Variants in NUFIP2 observed in about 807,000 individuals in gnomAD.
The protein encoded by NUFIP2 is nuclear FMR1 interacting protein 2, also known as FMR1-interacting protein NUFIP2.
In NUFIP2, 6 loss-of-function variants were observed where a neutral mutation model predicts 56.9. The ratio of observed to expected loss-of-function variants is 0.11; its 90% CI spans 0.06 to 0.21. NUFIP2 has a LOEUF of 0.21. Ranked by LOEUF, NUFIP2 falls within the 10% of genes least tolerant of loss-of-function variation. NUFIP2 has a pLI of 1.00. For missense variants in NUFIP2, 828 were observed against 826.8 expected (o/e 1.00, Z -0.02); for synonymous variants, 321 against 298.2 (o/e 1.08, Z -0.79).
At chr17:29,271,160 T>G (rs1325715407) in intron 2 of NUFIP2, among the ~76,000 whole-genome samples, 1 of 152,196 alleles carries the variant, frequency 6.6e-6, no homozygotes, top group Non-Finnish European at 1.5e-5. Context: ...GTGAGTTTGA[T>G]CATGACTTCT....
At chr17:29,273,691 G>A (rs1296288008) in intron 2 of NUFIP2, among the ~76,000 whole-genome samples, 2 of 152,164 alleles carry the variant, frequency 1.3e-5, no homozygotes, top group Non-Finnish European at 2.9e-5. Context: ...AGACCTAATA[G>A]AACCTAAGTA....
chr17:29,262,845 ATAGT>A lies in NUFIP2; in HGVS notation c.*1690_*1693del, dbSNP rs1002504304. On this transcript the variant is annotated 3_prime_UTR_variant, in exon 4 of 4. Transcript: ENST00000225388. ...CAGGGCAGAAATCCAGACTAAAAAG[ATAGT>A]TACTCTACTCTATGTTGAGTCCAAC... 2 of 152,062 alleles carry A rather than the reference ATAGT, an allele frequency of 1.3e-5. No homozygotes were observed. The highest frequency in any genetic ancestry group is 6.6e-5 in the Admixed American group (1 of 15,240). 9.4% of individuals were successfully genotyped at this position (152,062 alleles called of 1,614,324 possible).
rs937521379 is a variant in NUFIP2 at position 29,263,008 on chromosome 17, C to A, written c.*1531G>T. On this transcript the variant is annotated 3_prime_UTR_variant, in exon 4 of 4. Coordinates refer to ENST00000225388, the MANE Select transcript of NUFIP2 (RefSeq NM_020772.3). Reference sequence around the variant, plus strand: ...AAAGTAGTTACTTTCTCCCCAAATACCCCAGGGGATCCAGTCTACTTTTAT... The same window carrying A: ...AAAGTAGTTACTTTCTCCCCAAATAACCCAGGGGATCCAGTCTACTTTTAT... The A allele has an allele frequency of 6.6e-6, 1 of 152,520 alleles. No individual in the cohort carries two copies. The highest frequency in any genetic ancestry group is 6.5e-5 in the Admixed American group (1 of 15,268). The allele number at this position is 152,520 out of a possible 1,614,324, so 9.4% of individuals were successfully genotyped here. A position where few individuals can be genotyped will look rare whatever the true frequency, so the allele number is the denominator to read the frequency against.
intron 1 of NUFIP2, among the ~76,000 whole-genome samples, chr17:29,289,163 A>G (rs931410241): frequency 6.6e-6 from 1 of 152,266 alleles, no homozygotes; most frequent in Admixed American, 6.5e-5. Context: ...AAAGAAAAAA[A>G]AACCTTCAAC....
rs1203206997 is a variant in NUFIP2 at position 29,257,423 on chromosome 17, G to C, written c.*7116C>G. The C allele has an allele frequency of 6.6e-6, 1 of 152,054 alleles. No homozygotes were observed. The highest frequency in any genetic ancestry group is 1.5e-5 in the Non-Finnish European group (1 of 68,006). The allele number at this position is 152,054 out of a possible 1,614,324, so 9.4% of individuals were successfully genotyped here. On this transcript the variant is annotated 3_prime_UTR_variant, in exon 4 of 4. Coordinates refer to ENST00000225388, the MANE Select transcript of NUFIP2 (RefSeq NM_020772.3). ...TCGGCAAAATTCGAGTGTGCAAAAT[G>C]CATTTCTAAAACGTAATGCAAGCAA...
Position 29,285,889 on chromosome 17 carries a change from AAT to A in NUFIP2, c.2002+101_2002+102del. ...CTTATCCACATTGTCATTCTCTTAA[AAT>A]ACTCTTAATATGAACAACTAATTCT... On this transcript the variant is annotated intron_variant, in intron 2 of 3. Coordinates refer to ENST00000225388, the MANE Select transcript of NUFIP2 (RefSeq NM_020772.3). The A allele has an allele frequency of 4.4e-6, 4 of 904,976 alleles. No homozygotes were observed. In the South Asian group the frequency reaches 7.2e-5, roughly 16 times the overall value. The allele number at this position is 904,976 out of a possible 1,614,324, so 56.1% of individuals were successfully genotyped here.
intron 2 of NUFIP2, among the ~76,000 whole-genome samples, chr17:29,280,396 A>G (rs1349039730): frequency 6.6e-6 from 1 of 152,206 alleles, no homozygotes; most frequent in Non-Finnish European, 1.5e-5. Flanking sequence ...AACTACTTTT[A>G]AGAAGGCACA....
At chr17:29,279,554 G>C (rs2069127916) in intron 2 of NUFIP2, among the ~76,000 whole-genome samples, 1 of 152,120 alleles carries the variant, frequency 6.6e-6, no homozygotes, top group African/African-American at 2.4e-5. Context: ...ATGTTTTTGA[G>C]ACAGGGTCTC....
intron 2 of NUFIP2, among the ~76,000 whole-genome samples, chr17:29,275,826 G>A (rs1486426601): frequency 1.4e-4 from 22 of 151,918 alleles, no homozygotes; most frequent in South Asian, 2.1e-4. Flanking sequence ...TCAGGAGTTC[G>A]AGGCCAGCCT....
At chr17:29,283,342 T>A (rs1245765119) in intron 2 of NUFIP2, among the ~76,000 whole-genome samples, 1 of 152,228 alleles carries the variant, frequency 6.6e-6, no homozygotes, top group Admixed American at 6.5e-5. Context: ...CTACACATTT[T>A]GTTGTTTTGT....
intron 2 of NUFIP2, among the ~76,000 whole-genome samples, chr17:29,280,954 C>T (rs2069136057): frequency 6.8e-6 from 1 of 146,952 alleles, no homozygotes; most frequent in Non-Finnish European, 1.5e-5. Context: ...CATTGTACTC[C>T]ATCCTGGGTG....
intron 3 of NUFIP2, among the ~76,000 whole-genome samples, chr17:29,265,192 A>C (rs1266255660): frequency 6.6e-6 from 1 of 152,218 alleles, no homozygotes; most frequent in African/African-American, 2.4e-5. Context: ...TAAAACTGTT[A>C]GAATGTGTCT....
chr17:29,257,294 A>G lies in NUFIP2; in HGVS notation c.*7245T>C, dbSNP rs557961329. 2 of 152,252 alleles carry G rather than the reference A, an allele frequency of 1.3e-5. No homozygotes were observed. The highest frequency in any genetic ancestry group is 2.9e-5 in the Non-Finnish European group (2 of 68,038). 9.4% of individuals were successfully genotyped at this position (152,252 alleles called of 1,614,324 possible). A position where few individuals can be genotyped will look rare whatever the true frequency, so the allele number is the denominator to read the frequency against. ...ATGGTAAAGCTAACAACAGCAAAGT[A>G]GTAAGGACAAATCGGTCACTTTTGG... is the stretch of plus-strand genomic sequence containing the variant. On this transcript the variant is annotated 3_prime_UTR_variant, in exon 4 of 4. Coordinates refer to ENST00000225388, the MANE Select transcript of NUFIP2 (RefSeq NM_020772.3).
chr17:29,288,953 G>A lies in NUFIP2; in HGVS notation c.278-1237C>T, dbSNP rs527591736. Among the ~76,000 whole-genome samples, 195 of 152,234 alleles carry A rather than the reference G, an allele frequency of 1.3e-3. 1 individual carries two copies. The highest frequency in any genetic ancestry group is 4.5e-3 in the African/African-American group (185 of 41,534). ...GACTGCTGGAGTTCAAGACCAGCCT[G>A]GGCAACATGGAGAAACCCTGTCTCT... is the stretch of plus-strand genomic sequence containing the variant. On this transcript the variant is annotated intron_variant, in intron 1 of 3. Coordinates refer to ENST00000225388, the MANE Select transcript of NUFIP2 (RefSeq NM_020772.3).
In NUFIP2 at chr17:29,294,069, C is replaced by G; in HGVS notation, c.-10G>C. 1.3e-6 allele frequency: 2 copies of G among 1,584,298 alleles called. No homozygotes were observed. Among genetic ancestry groups the G allele is most frequent in the South Asian group, 2.3e-5 (2 of 86,608 alleles). On this transcript the variant is annotated 5_prime_UTR_variant, in exon 1 of 4. Coordinates refer to ENST00000225388, the MANE Select transcript of NUFIP2 (RefSeq NM_020772.3). ...CGGGCTTCTCCTCCATTGAAAGCGG[C>G]TGGGACTCCCTGGCTGAGGCTGCGG...
Position 29,264,451 on chromosome 17 carries a change from T to C in NUFIP2, c.*88A>G. On this transcript the variant is annotated 3_prime_UTR_variant, in exon 4 of 4. Coordinates refer to ENST00000225388, the MANE Select transcript of NUFIP2 (RefSeq NM_020772.3). ...TCTACTTATGGTTCCTCTGCTGCGT[T>C]GAAGATCTAGGAGCATAAAAGCCTT... 1.4e-6 allele frequency: 1 copy of C among 716,414 alleles called. No individual in the cohort carries two copies. Among genetic ancestry groups the C allele is most frequent in the South Asian group, 2.0e-5 (1 of 50,542 alleles). 44.4% of individuals were successfully genotyped at this position (716,414 alleles called of 1,614,324 possible).
Position 29,264,520 on chromosome 17 carries a change from G to C in NUFIP2, c.*19C>G, listed in dbSNP as rs774460218. 3 of 1,585,728 alleles carry C rather than the reference G, an allele frequency of 1.9e-6. No homozygotes were observed. Among genetic ancestry groups the C allele is most frequent in the Non-Finnish European group, 2.6e-6 (3 of 1,154,998 alleles). ...GGCTCTAATGCTGCAGAAAGGTTACGAATAGGCAGTCTGGTCCTTCATTGA... is the reference window on the plus strand; with the variant it reads ...GGCTCTAATGCTGCAGAAAGGTTACCAATAGGCAGTCTGGTCCTTCATTGA... On this transcript the variant is annotated 3_prime_UTR_variant, in exon 4 of 4. Coordinates refer to ENST00000225388, the MANE Select transcript of NUFIP2 (RefSeq NM_020772.3).
chr17:29,265,619 ATAT>A (rs901594350), intron 3 of NUFIP2, among the ~76,000 whole-genome samples: 60 of 145,816 alleles, frequency 4.1e-4, no homozygotes, highest in Middle Eastern at 3.6e-3. Context: ...TGTTTTTATT[ATAT>A]ATTATTTTAT....
intron 2 of NUFIP2, among the ~76,000 whole-genome samples, chr17:29,268,868 C>T (rs1225857932): frequency 1.3e-5 from 2 of 152,114 alleles, no homozygotes; most frequent in Non-Finnish European, 2.9e-5. Flanking sequence ...GGTCAGAATG[C>T]CAATCCACAT....
Sources: gnomAD v4.1 joint callset for allele counts (sites outside exome capture counted in the v4.1 genomes callset) on GRCh38, gnomAD v4.1.1 for gene constraint, MANE v1.5 for transcripts, NCBI Gene and HGNC (gene_info 2026-07-23, HGNC 2026-07-21) for gene names.